The following RFX3 variants were observed in gnomAD, a reference collection of about 807,000 sequenced individuals.
The protein encoded by RFX3 is transcription factor RFX3.
A neutral mutation model predicts 98.6 loss-of-function variants in RFX3; 14 were observed. The ratio of observed to expected loss-of-function variants is 0.14; its 90% CI spans 0.09 to 0.22. RFX3 has a LOEUF of 0.22. Ranked by LOEUF, RFX3 falls within the 10% of genes least tolerant of loss-of-function variation. RFX3 has a pLI of 1.00. For synonymous variants in RFX3, 383 were observed against 328.4 expected, an observed-to-expected ratio of 1.17 and a Z score of -1.80; for missense variants, 639 against 926.9, an observed-to-expected ratio of 0.69 and a Z score of 4.03.
At chr9:3,299,153 AT>A (rs1191543960) in intron 5 of RFX3, among the ~76,000 whole-genome samples, 1 of 151,692 alleles carries the variant, frequency 6.6e-6, no homozygotes, top group African/African-American at 2.4e-5. Flanking sequence ...ATTAACAACA[AT>A]TTTTTTAAAA....
chr9:3,508,117 CCTT>C (rs1421653789), intron 1 of RFX3, among the ~76,000 whole-genome samples: 3 of 151,860 alleles, frequency 2.0e-5, no homozygotes, highest in Non-Finnish European at 4.4e-5. Flanking sequence ...TTCAAAAAAA[CCTT>C]CTTTTTAGAG....
intron 12 of RFX3, among the ~76,000 whole-genome samples, chr9:3,265,276 A>G (rs1823475730): frequency 6.6e-6 from 1 of 152,202 alleles, no homozygotes; most frequent in Non-Finnish European, 1.5e-5. Context: ...CTGTGAAAGC[A>G]CATTTCTAGA....
intron 5 of RFX3, among the ~76,000 whole-genome samples, chr9:3,293,933 A>C (rs979895835): frequency 6.6e-6 from 1 of 152,140 alleles, no homozygotes; most frequent in South Asian, 2.1e-4. Flanking sequence ...TTCTACCTCA[A>C]AACTGTGTTT....
intron 1 of RFX3, among the ~76,000 whole-genome samples, chr9:3,437,175 C>T (rs1250412801): frequency 6.6e-6 from 1 of 151,992 alleles, no homozygotes. Context: ...ACCATGAATC[C>T]TTCTGCAAAG....
At chr9:3,330,876 C>G (rs970539932) in intron 3 of RFX3, among the ~76,000 whole-genome samples, 3 of 152,130 alleles carry the variant, frequency 2.0e-5, no homozygotes, top group African/African-American at 4.8e-5. Flanking sequence ...AAGCTGGAAC[C>G]TGGAATAAGT....
intron 2 of RFX3, among the ~76,000 whole-genome samples, chr9:3,387,094 T>C (rs1308559915): frequency 6.6e-6 from 1 of 152,210 alleles, no homozygotes; most frequent in East Asian, 1.9e-4. Context: ...TTTGTTTTTC[T>C]TGTGAATTCC....
In RFX3 at chr9:3,314,851, T is replaced by C. The variant is rs142163723; in HGVS notation, c.475-13231A>G. 6.1e-3 allele frequency among the ~76,000 whole-genome samples: 921 copies of C among 152,098 alleles called. 3 individuals carry two copies. The highest frequency in any genetic ancestry group is 9.7e-3 in the Non-Finnish European group (662 of 67,970). The stretch of plus-strand genomic sequence containing the variant: ...ATCCTAAATATATATGCACCCAAAA[T>C]AGGAGCACCCAGATTCATAAAGCAA... On this transcript the variant is annotated intron_variant, in intron 4 of 16. Transcript: ENST00000617270.
At chr9:3,255,705 C>T (rs1822043621) in intron 14 of RFX3, among the ~76,000 whole-genome samples, 1 of 152,180 alleles carries the variant, frequency 6.6e-6, no homozygotes, top group South Asian at 2.1e-4. Flanking sequence ...GTCATAAATG[C>T]TGTTTTTAAT....
chr9:3,371,645 T>A (rs915366313), intron 2 of RFX3, among the ~76,000 whole-genome samples: 3 of 152,232 alleles, frequency 2.0e-5, no homozygotes. Flanking sequence ...TCAACTTAAG[T>A]AAGATGAAAA....
chr9:3,466,207 G>A (rs752985357), intron 1 of RFX3, among the ~76,000 whole-genome samples: 1 of 151,990 alleles, frequency 6.6e-6, no homozygotes, highest in Non-Finnish European at 1.5e-5. Context: ...AACCAATCTT[G>A]GCAACAAATA....
intron 4 of RFX3, among the ~76,000 whole-genome samples, chr9:3,313,730 A>C (rs1328062553): frequency 6.6e-6 from 1 of 152,258 alleles, no homozygotes; most frequent in Non-Finnish European, 1.5e-5. Context: ...AAGGATGCAC[A>C]AGCTTCAGTA....
At chr9:3,250,367 C>G (rs931786090) in intron 14 of RFX3, among the ~76,000 whole-genome samples, 10 of 151,724 alleles carry the variant, frequency 6.6e-5, no homozygotes, top group African/African-American at 2.4e-4. Flanking sequence ...AACAAACATA[C>G]AAAAACATGA....
chr9:3,332,649 G>C (rs1394359010), intron 3 of RFX3, among the ~76,000 whole-genome samples: 3 of 152,142 alleles, frequency 2.0e-5, no homozygotes, highest in South Asian at 4.1e-4. Flanking sequence ...CTTGCCTTCA[G>C]AAAAAGTTCA....
intron 16 of RFX3, among the ~76,000 whole-genome samples, chr9:3,227,493 G>A (rs1817916460): frequency 1.3e-5 from 2 of 152,174 alleles, no homozygotes; most frequent in East Asian, 3.8e-4. Flanking sequence ...TTCAGGTTAT[G>A]GAAATTTGGT....
chr9:3,481,871 A>T (rs1451589078), intron 1 of RFX3, among the ~76,000 whole-genome samples: 1 of 152,144 alleles, frequency 6.6e-6, no homozygotes, highest in Non-Finnish European at 1.5e-5. Flanking sequence ...AAATAAAAAA[A>T]ATAAATAAAA....
chr9:3,285,323 A>G (rs1826446230), intron 7 of RFX3, among the ~76,000 whole-genome samples: 1 of 151,862 alleles, frequency 6.6e-6, no homozygotes. Flanking sequence ...CTCTTTATAT[A>G]ATTTTTACTG....
In RFX3 at chr9:3,478,551, C is replaced by G. The variant is rs185285754; in HGVS notation, c.-9+47196G>C. ...AAATGCTTTGCCTATATGTCTTCTA[C>G]CTTTTGCCAAAGAAATCTTCATGAG... On this transcript the variant is annotated intron_variant, in intron 1 of 16. Coordinates refer to ENST00000617270, the MANE Select transcript of RFX3 (RefSeq NM_001282116.2). Among the ~76,000 whole-genome samples the G allele has an allele frequency of 1.8e-3, 269 of 152,024 alleles. 1 individual carries two copies. Among genetic ancestry groups the G allele is most frequent in the Non-Finnish European group, 3.4e-3 (229 of 67,980 alleles).
At chr9:3,378,166 T>G (rs1266360202) in intron 2 of RFX3, among the ~76,000 whole-genome samples, 1 of 152,204 alleles carries the variant, frequency 6.6e-6, no homozygotes, top group Non-Finnish European at 1.5e-5. Flanking sequence ...ATCTTAGTAT[T>G]TGGAATTTTA....
At chr9:3,400,206 C>T (rs1158474543) in intron 1 of RFX3, 1 of 980,828 alleles carries the variant, frequency 1.0e-6, no homozygotes, top group Non-Finnish European at 1.2e-6. Flanking sequence ...TGCACAAAGA[C>T]AAGTAAGAAA....
Sources: gnomAD v4.1 joint callset for allele counts (sites outside exome capture counted in the v4.1 genomes callset) on GRCh38, gnomAD v4.1.1 for gene constraint, MANE v1.5 for transcripts, NCBI Gene and HGNC (gene_info 2026-07-23, HGNC 2026-07-21) for gene names.